Variants in ANKRD31 observed in about 807,000 individuals in gnomAD.
ANKRD31 encodes ankyrin repeat domain 31, also known as ankyrin repeat domain-containing protein 31.
Under a neutral mutation model 186.0 loss-of-function variants are expected in ANKRD31, and 147 were observed. The ratio of observed to expected loss-of-function variants is 0.79; its 90% confidence interval spans 0.69 to 0.91. The LOEUF is 0.91. Ranked by LOEUF, ANKRD31 falls within the 40% of genes least tolerant of loss-of-function variation. ANKRD31 has a pLI of 0.00. For missense variants in ANKRD31, 1,986 were observed against 2,148.8 expected, an observed-to-expected ratio of 0.92 and a Z score of 1.50; for synonymous variants, 673 against 736.4, an observed-to-expected ratio of 0.91 and a Z score of 1.39.
At chr5:75,071,111 G>C (rs568904587) in intron 25 of ANKRD31, among the ~76,000 whole-genome samples, 2 of 152,182 alleles carry the variant, frequency 1.3e-5, no homozygotes, top group Admixed American at 1.3e-4. Flanking sequence ...GTAAAACACA[G>C]TTAAAAGCTC....
At chr5:75,180,781 T>C (rs1337196820) in intron 10 of ANKRD31, among the ~76,000 whole-genome samples, 3 of 152,074 alleles carry the variant, frequency 2.0e-5, no homozygotes, top group Non-Finnish European at 4.4e-5. Flanking sequence ...ATAAAAACCC[T>C]AGAAGAAAAC....
intron 1 of ANKRD31, among the ~76,000 whole-genome samples, chr5:75,233,518 A>C (rs1436329562): frequency 6.6e-6 from 1 of 152,160 alleles, no homozygotes; most frequent in Non-Finnish European, 1.5e-5. Context: ...GGAGAAAGGC[A>C]GAATTTCTGC....
intron 2 of ANKRD31, among the ~76,000 whole-genome samples, chr5:75,228,016 T>A (rs1757734483): frequency 6.6e-6 from 1 of 152,200 alleles, no homozygotes; most frequent in Non-Finnish European, 1.5e-5. Context: ...AAAATTATCT[T>A]CCATGAAACT....
At chr5:75,115,061 T>C (rs1748102983) in intron 19 of ANKRD31, among the ~76,000 whole-genome samples, 4 of 151,800 alleles carry the variant, frequency 2.6e-5, no homozygotes, top group South Asian at 4.2e-4. Context: ...AAAACAGAGA[T>C]ATAGATCAAT....
intron 7 of ANKRD31, 43 bp from the exon 8 acceptor site, chr5:75,193,634 A>C: frequency 6.8e-7 from 1 of 1,474,484 alleles, no homozygotes; most frequent in Non-Finnish European, 9.0e-7. Flanking sequence ...ACAACACTGC[A>C]AAAAAATTAA....
At chr5:75,095,481 A>AC (rs1327862572) in intron 22 of ANKRD31, among the ~76,000 whole-genome samples, 1 of 151,974 alleles carries the variant, frequency 6.6e-6, no homozygotes, top group Non-Finnish European at 1.5e-5. Flanking sequence ...CTCAAAAAAA[A>AC]AAAAGTCCTG....
In ANKRD31 at chr5:75,078,645, T is replaced by C. The variant is rs560111968; in HGVS notation, c.5647+1923A>G. Among the ~76,000 whole-genome samples the C allele has an allele frequency of 9.2e-5, 14 of 152,344 alleles. No homozygotes were observed. In the East Asian group the frequency reaches 2.7e-3, roughly 29 times the overall value. On this transcript the variant is annotated intron_variant, in intron 25 of 25. Coordinates refer to ENST00000506364, the MANE Select transcript of ANKRD31 (RefSeq NM_001372053.1). Reference sequence around the variant, plus strand: ...TATGGTGACAGGAAACATAAATATATAAAATTGGTTTTCCTGGTAAATAAT... The same window carrying C: ...TATGGTGACAGGAAACATAAATATACAAAATTGGTTTTCCTGGTAAATAAT...
At chr5:75,203,066 C>T (rs903581071) in intron 5 of ANKRD31, among the ~76,000 whole-genome samples, 1 of 152,212 alleles carries the variant, frequency 6.6e-6, no homozygotes, top group South Asian at 2.1e-4. Flanking sequence ...CCCAACTCAG[C>T]CTCCCTAGTA....
intron 25 of ANKRD31, among the ~76,000 whole-genome samples, chr5:75,069,120 G>T (rs1056581588): frequency 9.2e-5 from 14 of 152,144 alleles, no homozygotes; most frequent in Admixed American, 4.6e-4. Flanking sequence ...CCACAAACTT[G>T]GTGTGTGATC....
At chr5:75,174,756 T>C (rs1001044329) in intron 10 of ANKRD31, among the ~76,000 whole-genome samples, 15 of 152,154 alleles carry the variant, frequency 9.9e-5, no homozygotes, top group African/African-American at 7.2e-5. Context: ...TGTGGAGAAA[T>C]AGGAACGCTT....
At chr5:75,152,669 C>T (rs1477935) in intron 12 of ANKRD31, among the ~76,000 whole-genome samples, 76,649 of 151,212 alleles carry the variant, frequency 0.51, 22,414 homozygotes, top group African/African-American at 0.82. Flanking sequence ...ATGCCTACTA[C>T]GTACAAGTCA....
At chr5:75,150,216 A>G (rs1751750745) in intron 12 of ANKRD31, among the ~76,000 whole-genome samples, 1 of 151,892 alleles carries the variant, frequency 6.6e-6, no homozygotes, top group Admixed American at 6.6e-5. Flanking sequence ...TATAAGCTTT[A>G]TAGCCTATGA....
intron 10 of ANKRD31, among the ~76,000 whole-genome samples, chr5:75,171,650 C>T (rs1753329998): frequency 6.6e-6 from 1 of 150,666 alleles, no homozygotes; most frequent in Non-Finnish European, 1.5e-5. Context: ...CTAAAAGAGC[C>T]ATAAATCGAT....
At chr5:75,219,870 A>T (rs978157562) in intron 3 of ANKRD31, among the ~76,000 whole-genome samples, 1 of 152,204 alleles carries the variant, frequency 6.6e-6, no homozygotes. Flanking sequence ...GGCAAAGCTG[A>T]CAAAAACAAG....
chr5:75,168,853 C>G, intron 11 of ANKRD31, 126 bp downstream of exon 11: 2 of 914,804 alleles, frequency 2.2e-6, no homozygotes, highest in Non-Finnish European at 3.1e-6. Context: ...ATTATAAATT[C>G]TAAGTATTCA....
chr5:75,131,640 C>T (rs907559614), intron 17 of ANKRD31, among the ~76,000 whole-genome samples: 2 of 152,202 alleles, frequency 1.3e-5, no homozygotes, highest in Non-Finnish European at 2.9e-5. Context: ...ACGTCCCTGT[C>T]TGACAGCTTT....
intron 3 of ANKRD31, 24 bp from the exon 4 acceptor site, chr5:75,210,889 T>C: frequency 6.7e-7 from 1 of 1,483,992 alleles, no homozygotes; most frequent in Non-Finnish European, 8.9e-7. Context: ...AAAAAGTTTT[T>C]TCCAACTGAT....
chr5:75,118,021 T>C, intron 18 of ANKRD31, 114 bp downstream of exon 18: 1 of 816,834 alleles, frequency 1.2e-6, no homozygotes, highest in Non-Finnish European at 1.7e-6. Context: ...AAGAGTTTAA[T>C]AAACATAGGA....
At chr5:75,182,613 G>A (rs546077432) in intron 10 of ANKRD31, among the ~76,000 whole-genome samples, 1 of 151,984 alleles carries the variant, frequency 6.6e-6, no homozygotes, top group East Asian at 1.9e-4. Context: ...CAGCTATTCG[G>A]GAGGCTGAGG....
Sources: allele counts gnomAD v4.1 joint callset (sites outside exome capture counted in the v4.1 genomes callset), GRCh38; gene constraint gnomAD v4.1.1; transcripts MANE v1.5; gene names NCBI Gene and HGNC (gene_info 2026-07-23, HGNC 2026-07-21).